CALN1: variants seen among roughly 807,000 people sequenced by gnomAD.
CALN1 encodes the protein calneuron 1.
In CALN1, 17 loss-of-function variants were observed where a neutral mutation model predicts 30.6. That is an observed-to-expected ratio of 0.56 (90% CI 0.38 to 0.83). CALN1 has a LOEUF of 0.83. Among genes scored for constraint, CALN1 ranks in the 40% least tolerant of loss-of-function variants. The probability of loss-of-function intolerance (pLI) is 0.00; values close to 1 mark genes in which losing one functional copy is unlikely to be tolerated. For synonymous variants in CALN1, 156 were observed against 131.4 expected (o/e 1.19, Z -1.28); for missense variants, 291 against 354.9 (o/e 0.82, Z 1.45).
At chr7:72,184,614 T>C (rs909392708) in intron 3 of CALN1, among the ~76,000 whole-genome samples, 11 of 152,108 alleles carry the variant, frequency 7.2e-5, no homozygotes, top group Non-Finnish European at 1.5e-4. Context: ...ATATAGCATT[T>C]ATTGTAAAAG....
In CALN1 at chr7:71,877,300, A is replaced by G. The variant is rs78363268; in HGVS notation, c.502-66808T>C. Among the ~76,000 whole-genome samples the G allele has an allele frequency of 3.9e-5, 6 of 152,308 alleles. No homozygotes were observed. The East Asian group carries it at 9.7e-4, about 25-fold the overall frequency. ...AAAGCTGTTTTGAATTGAGTCAGGA[A>G]CTAGACCGGTGCATTTGCTTTTGCT... On this transcript the variant is annotated intron_variant, in intron 5 of 6. Transcript: ENST00000395275.
intron 2 of CALN1, among the ~76,000 whole-genome samples, chr7:72,327,058 C>CT (rs1391869434): frequency 3.3e-5 from 5 of 152,214 alleles, no homozygotes; most frequent in Non-Finnish European, 5.9e-5. Flanking sequence ...CAACACTATT[C>CT]AGTCATATTG....
At chr7:72,068,985 T>C (rs1442495643) in intron 4 of CALN1, among the ~76,000 whole-genome samples, 1 of 152,154 alleles carries the variant, frequency 6.6e-6, no homozygotes, top group Non-Finnish European at 1.5e-5. Flanking sequence ...CTGAAAACAC[T>C]TGGAAGTAGA....
At chr7:72,325,786 G>A (rs1333667844) in intron 2 of CALN1, among the ~76,000 whole-genome samples, 5 of 152,152 alleles carry the variant, frequency 3.3e-5, no homozygotes, top group Non-Finnish European at 4.4e-5. Flanking sequence ...CCCACCAAGT[G>A]ACTCATGAAG....
At position 72,273,022 on chromosome 7, in the gene CALN1, C is replaced by T. The variant is rs564528; in HGVS notation, c.244+5664G>A. ...AGATGGAGAATTCTGTGGCATAGGG[C>T]GCAAAGACAGCAGGAACAACCACCG... On this transcript the variant is annotated intron_variant, in intron 3 of 6. Transcript: ENST00000395275. Among the ~76,000 whole-genome samples the T allele has an allele frequency of 7.5e-3, 1,117 of 149,274 alleles. 11 individuals carry two copies. The highest frequency in any genetic ancestry group is 0.027 in the African/African-American group (1,090 of 40,470).
chr7:72,264,983 C>T (rs1231781098), intron 3 of CALN1, among the ~76,000 whole-genome samples: 1 of 152,092 alleles, frequency 6.6e-6, no homozygotes, highest in South Asian at 2.1e-4. Context: ...TAATGGCCTT[C>T]AGCTCCATCC....
intron 6 of CALN1, among the ~76,000 whole-genome samples, chr7:71,808,650 T>C (rs1787760789): frequency 6.6e-6 from 1 of 152,110 alleles, no homozygotes; most frequent in Non-Finnish European, 1.5e-5. Flanking sequence ...TAGCCTGACC[T>C]TTCCCAAATT....
At chr7:72,093,643 C>T (rs1005925832) in intron 4 of CALN1, among the ~76,000 whole-genome samples, 1 of 152,134 alleles carries the variant, frequency 6.6e-6, no homozygotes, top group African/African-American at 2.4e-5. Flanking sequence ...ACCAGGACTG[C>T]CAGCTGGGAT....
At chr7:72,178,023 C>G (rs974928902) in intron 3 of CALN1, among the ~76,000 whole-genome samples, 4 of 152,118 alleles carry the variant, frequency 2.6e-5, no homozygotes, top group African/African-American at 4.8e-5. Flanking sequence ...GAATCTGAGG[C>G]CTTTTATTAC....
At chr7:72,084,624 G>A (rs1390099214) in intron 4 of CALN1, among the ~76,000 whole-genome samples, 2 of 152,022 alleles carry the variant, frequency 1.3e-5, no homozygotes, top group East Asian at 1.9e-4. Flanking sequence ...GCCTCCCAAT[G>A]TGCTGGGATT....
chr7:72,353,491 T>C (rs1472860813), intron 2 of CALN1, among the ~76,000 whole-genome samples: 2 of 152,172 alleles, frequency 1.3e-5, no homozygotes, highest in African/African-American at 2.4e-5. Context: ...ATCATCCTAA[T>C]GCATTCATGA....
chr7:72,496,737 T>C, the CALN1 span, among the ~76,000 whole-genome samples: 1 of 152,090 alleles, frequency 6.6e-6, no homozygotes, highest in African/African-American at 2.4e-5. Context: ...CCAGGTGTGG[T>C]GGTGTGCACC....
At chr7:72,435,550 G>A (rs1268404822) in intron 1 of CALN1, among the ~76,000 whole-genome samples, 1 of 152,288 alleles carries the variant, frequency 6.6e-6, no homozygotes, top group African/African-American at 2.4e-5. Context: ...TTGCAGCCCC[G>A]GAGAGCCTCA....
At chr7:71,999,734 A>G (rs1266971495) in intron 5 of CALN1, among the ~76,000 whole-genome samples, 1 of 152,112 alleles carries the variant, frequency 6.6e-6, no homozygotes, top group Non-Finnish European at 1.5e-5. Flanking sequence ...GCTGGTCGCA[A>G]ACTTCTGACC....
chr7:72,148,206 A>G (rs1786921441), intron 3 of CALN1, among the ~76,000 whole-genome samples: 1 of 150,226 alleles, frequency 6.7e-6, no homozygotes, highest in South Asian at 2.1e-4. Flanking sequence ...TGATGTTTGG[A>G]TCGTGAATGG....
intron 3 of CALN1, among the ~76,000 whole-genome samples, chr7:72,135,306 T>C (rs751330085): frequency 1.2e-4 from 19 of 152,360 alleles, no homozygotes; most frequent in Non-Finnish European, 2.5e-4. Flanking sequence ...TAAATTTACA[T>C]TGCCCAGATC....
At position 71,871,553 on chromosome 7, in the gene CALN1, A is replaced by G. The variant is rs148881014; in HGVS notation, c.502-61061T>C. ...CTCGAGGCCAGGAAAGTTTGTGACCAGCTTGTACAACCGAGTAAGACCCCA... is the reference window on the plus strand; with the variant it reads ...CTCGAGGCCAGGAAAGTTTGTGACCGGCTTGTACAACCGAGTAAGACCCCA... On this transcript the variant is annotated intron_variant, in intron 5 of 6. Coordinates refer to ENST00000395275, the MANE Select transcript of CALN1 (RefSeq NM_031468.4). Among the ~76,000 whole-genome samples, 1,388 of 152,264 alleles carry G rather than the reference A, an allele frequency of 9.1e-3. 15 individuals are homozygous for G. Among genetic ancestry groups the G allele is most frequent in the African/African-American group, 0.032 (1,316 of 41,552 alleles).
At chr7:71,932,926 A>G (rs17144126) in intron 5 of CALN1, among the ~76,000 whole-genome samples, 7,214 of 152,052 alleles carry the variant, frequency 0.047, 716 homozygotes, top group East Asian at 0.45. Flanking sequence ...ACAATTCCAG[A>G]TAGGGCGCAT....
At chr7:71,877,009 CTTTG>C (rs998089646) in intron 5 of CALN1, among the ~76,000 whole-genome samples, 3 of 151,980 alleles carry the variant, frequency 2.0e-5, no homozygotes, top group Non-Finnish European at 4.4e-5. Flanking sequence ...ACCCTTGTTT[CTTTG>C]TTTTTGTTTT....
Sources: allele counts gnomAD v4.1 joint callset (sites outside exome capture counted in the v4.1 genomes callset), GRCh38; gene constraint gnomAD v4.1.1; transcripts MANE v1.5; gene names NCBI Gene and HGNC (gene_info 2026-07-23, HGNC 2026-07-21).